MCM5: variants seen among roughly 807,000 people sequenced by gnomAD.
The protein encoded by MCM5 is minichromosome maintenance complex component 5.
Under a neutral mutation model 79.9 loss-of-function variants are expected in MCM5, and 46 were observed. That is an observed-to-expected ratio of 0.58 (90% CI 0.45 to 0.74). MCM5 has a LOEUF of 0.74. MCM5 is among the 30% of genes least tolerant of loss of function. The pLI, the probability that MCM5 is intolerant of heterozygous loss-of-function variation, is 0.00. For synonymous variants in MCM5, 404 were observed against 390.5 expected, an observed-to-expected ratio of 1.03 and a Z score of -0.41; for missense variants, 883 against 1,017.0, an observed-to-expected ratio of 0.87 and a Z score of 1.79.
At chr22:35,419,171 A>G in intron 13 of MCM5, among the ~76,000 whole-genome samples, 1 of 152,160 alleles carries the variant, frequency 6.6e-6, no homozygotes. Flanking sequence ...GCTGTGAGTC[A>G]GGGAGCCCTG....
chr22:35,435,239 C>G, the MCM5 span, among the ~76,000 whole-genome samples: 74,917 of 152,142 alleles, frequency 0.49, 21,195 homozygotes, highest in Non-Finnish European at 0.64. Context: ...CTGTGCATTG[C>G]TGGACCTGGA....
chr22:35,416,088 G>T, intron 10 of MCM5, 116 bp downstream of exon 10: 1 of 1,332,158 alleles, frequency 7.5e-7, no homozygotes, highest in South Asian at 1.3e-5. Context: ...TCAATCCCTG[G>T]GCCGGTCACT....
At chr22:35,451,837 C>A in the MCM5 span, among the ~76,000 whole-genome samples, 2 of 152,306 alleles carry the variant, frequency 1.3e-5, no homozygotes, top group South Asian at 4.1e-4. Context: ...AGCCCTGAGG[C>A]CTGCGGGTGG....
At chr22:35,452,105 G>A in the MCM5 span, among the ~76,000 whole-genome samples, 1 of 152,154 alleles carries the variant, frequency 6.6e-6, no homozygotes, top group Non-Finnish European at 1.5e-5. Context: ...CCCAGAAAAC[G>A]AGTAGGGTGA....
At chr22:35,401,376 C>T (rs533818894) in intron 2 of MCM5, 1 of 471,462 alleles carries the variant, frequency 2.1e-6, no homozygotes, top group Non-Finnish European at 4.4e-6. Flanking sequence ...ACCAGTCTTG[C>T]ACCTTCATTG....
the MCM5 span, among the ~76,000 whole-genome samples, chr22:35,454,938 G>A: frequency 2.0e-5 from 3 of 151,916 alleles, no homozygotes; most frequent in Admixed American, 2.0e-4. Context: ...ATTGACAGAT[G>A]TCCCCAGAGA....
Position 35,412,505 on chromosome 22 carries a change from C to G in MCM5, c.920-5C>G, listed in dbSNP as rs1253554768. ...CTCACTCATGCGCCTGCTTTGCCTA[C>G]CAAGGCCGCAGCTTTGCTGGGGCCG... On this transcript the variant is annotated splice_polypyrimidine_tract_variant and splice_region_variant and intron_variant, in intron 7 of 16. Coordinates refer to ENST00000216122, the MANE Select transcript of MCM5 (RefSeq NM_006739.4). 2 of 1,536,936 alleles carry G rather than the reference C, an allele frequency of 1.3e-6. No individual in the cohort carries two copies. Among genetic ancestry groups the G allele is most frequent in the Non-Finnish European group, 1.8e-6 (2 of 1,140,564 alleles).
At chr22:35,419,790 G>A (rs1350913019) in intron 13 of MCM5, 94 bp from the exon 14 acceptor site, 1 of 1,340,366 alleles carries the variant, frequency 7.5e-7, no homozygotes, top group Non-Finnish European at 1.0e-6. Context: ...GTGGGAAAGT[G>A]CATGTCTGTA....
intron 5 of MCM5, among the ~76,000 whole-genome samples, chr22:35,406,985 A>C (rs1260966333): frequency 6.6e-6 from 1 of 152,150 alleles, no homozygotes; most frequent in Non-Finnish European, 1.5e-5. Context: ...TGGGAGGGAA[A>C]AGCAGTCCAG....
chr22:35,435,061 G>C, the MCM5 span, among the ~76,000 whole-genome samples: 1 of 152,222 alleles, frequency 6.6e-6, no homozygotes, highest in Non-Finnish European at 1.5e-5. Context: ...TGAGGCAGGA[G>C]AATTGCTTGA....
chr22:35,449,830 G>A, the MCM5 span, among the ~76,000 whole-genome samples: 119 of 152,206 alleles, frequency 7.8e-4, no homozygotes, highest in African/African-American at 2.7e-3. Context: ...CTCCCAGGCT[G>A]GAGTTCAGTG....
chr22:35,447,975 G>A, the MCM5 span, among the ~76,000 whole-genome samples: 1 of 152,160 alleles, frequency 6.6e-6, no homozygotes, highest in African/African-American at 2.4e-5. Context: ...AAAATCCAGG[G>A]GAATGACCCA....
downstream of MCM5, among the ~76,000 whole-genome samples, chr22:35,426,429 G>C (rs1437280397): frequency 2.0e-5 from 3 of 152,144 alleles, no homozygotes; most frequent in African/African-American, 4.8e-5. Flanking sequence ...GGGGCAAGGG[G>C]GGGAGCTGGA....
At chr22:35,440,563 G>A in the MCM5 span, among the ~76,000 whole-genome samples, 36 of 152,158 alleles carry the variant, frequency 2.4e-4, no homozygotes, top group Admixed American at 1.9e-3. Flanking sequence ...ATAAATTCAG[G>A]CCAGAAAACC....
downstream of MCM5, among the ~76,000 whole-genome samples, chr22:35,425,590 C>T (rs1932772219): frequency 6.6e-6 from 1 of 152,006 alleles, no homozygotes; most frequent in South Asian, 2.1e-4. Flanking sequence ...CATTTCTTTT[C>T]TGATAATTTT....
the MCM5 span, among the ~76,000 whole-genome samples, chr22:35,437,727 C>T: frequency 6.6e-6 from 1 of 152,160 alleles, no homozygotes; most frequent in Non-Finnish European, 1.5e-5. Context: ...CCCTGGGGAC[C>T]TTTTAGTCCC....
the MCM5 span, among the ~76,000 whole-genome samples, chr22:35,436,970 G>A: frequency 8.3e-5 from 11 of 132,602 alleles, no homozygotes; most frequent in Middle Eastern, 4.0e-3. Flanking sequence ...ACTCAGCCTC[G>A]CGTCACTAGG....
chr22:35,409,717 C>T (rs919104809), intron 6 of MCM5: 3 of 152,194 alleles, frequency 2.0e-5, no homozygotes, highest in Non-Finnish European at 4.4e-5. Context: ...TGCAGATGTT[C>T]TGAGGAGAGC....
the MCM5 span, among the ~76,000 whole-genome samples, chr22:35,447,141 C>T: frequency 1.3e-5 from 2 of 152,038 alleles, no homozygotes; most frequent in Admixed American, 6.5e-5. Flanking sequence ...TCGGGCTTCC[C>T]GGCTCTGGGT....
Sources: allele counts gnomAD v4.1 joint callset (sites outside exome capture counted in the v4.1 genomes callset), GRCh38; gene constraint gnomAD v4.1.1; transcripts MANE v1.5; gene names NCBI Gene and HGNC (gene_info 2026-07-23, HGNC 2026-07-21).